TET2: variants seen among roughly 807,000 people sequenced by gnomAD.
TET2 encodes the protein methylcytosine dioxygenase TET2.
A neutral mutation model predicts 142.9 loss-of-function variants in TET2; 299 were observed. The ratio of observed to expected loss-of-function variants is 2.09; its 90% CI spans 1.90 to 2.30. The LOEUF is 2.30. TET2 is among the 30% of genes most tolerant of loss of function. The pLI, the probability that TET2 is intolerant of heterozygous loss-of-function variation, is 0.00. For synonymous variants in TET2, 819 were observed against 849.0 expected, an observed-to-expected ratio of 0.96 and a Z score of 0.61; for missense variants, 2,418 against 2,378.0, an observed-to-expected ratio of 1.02 and a Z score of -0.35.
chr4:105,180,081 C>G (rs1178474318), intron 1 of TET2, among the ~76,000 whole-genome samples: 1 of 152,088 alleles, frequency 6.6e-6, no homozygotes, highest in Non-Finnish European at 1.5e-5. Flanking sequence ...GTTGACCTAT[C>G]ATAGAAATGA....
chr4:105,169,536 T>C (rs1724338377), intron 1 of TET2, among the ~76,000 whole-genome samples: 1 of 152,202 alleles, frequency 6.6e-6, no homozygotes, highest in African/African-American at 2.4e-5. Context: ...GGTTGTCTGT[T>C]TACGCTGCTG....
At chr4:105,248,904 C>T (rs905366305) in intron 6 of TET2, among the ~76,000 whole-genome samples, 1 of 151,352 alleles carries the variant, frequency 6.6e-6, no homozygotes, top group Non-Finnish European at 1.5e-5. Flanking sequence ...TTAGTGAAAT[C>T]ATGTATTTGG....
At chr4:105,232,556 A>G (rs921422679) in intron 2 of TET2, among the ~76,000 whole-genome samples, 1 of 152,216 alleles carries the variant, frequency 6.6e-6, no homozygotes, top group Non-Finnish European at 1.5e-5. Context: ...ATCCTAGGGA[A>G]GATGATATCT....
chr4:105,218,921 C>T (rs773179107), intron 2 of TET2, among the ~76,000 whole-genome samples: 47 of 151,820 alleles, frequency 3.1e-4, no homozygotes, highest in Middle Eastern at 6.9e-3. Flanking sequence ...TAATTTTAGG[C>T]GATCTTAACC....
chr4:105,224,365 T>G (rs1355816472), intron 2 of TET2, among the ~76,000 whole-genome samples: 7 of 152,172 alleles, frequency 4.6e-5, no homozygotes, highest in Non-Finnish European at 1.5e-5. Flanking sequence ...GTGCTATTTT[T>G]AAGTCATGCA....
chr4:105,199,596 A>T (rs1413878981), intron 2 of TET2, among the ~76,000 whole-genome samples: 1 of 152,088 alleles, frequency 6.6e-6, no homozygotes, highest in Non-Finnish European at 1.5e-5. Context: ...TGCATAGGCA[A>T]CCTTGGGTCA....
rs1419930599 is a variant in TET2, at chr4:105,235,525, A to G, written c.1583A>G (p.Asn528Ser). Residue 528 changes from asparagine to serine, a missense_variant, in exon 3 of 11, where the codon AAC becomes AGC. Coordinates refer to ENST00000380013, the MANE Select transcript of TET2 (RefSeq NM_001127208.3). ...IFGSSGELQD[N>S]CQQLMRNKEQ... is the part of the protein sequence containing the mutation. ...GGTAGCAGTGGAGAGCTACAGGACA[A>G]CTGCCAGCAGTTGATGAGAAACAAA... The G allele has an allele frequency of 6.2e-7, 1 of 1,614,100 alleles. No homozygotes were observed. The highest frequency in any genetic ancestry group is 8.5e-7 in the Non-Finnish European group (1 of 1,180,036).
At chr4:105,268,694 G>C (rs1730807013) in intron 8 of TET2, among the ~76,000 whole-genome samples, 2 of 152,220 alleles carry the variant, frequency 1.3e-5, no homozygotes, top group African/African-American at 4.8e-5. Context: ...ATATTGCCCA[G>C]GCGCAGTGGC....
At chr4:105,162,725 T>C (rs901118428) in intron 1 of TET2, among the ~76,000 whole-genome samples, 1 of 152,212 alleles carries the variant, frequency 6.6e-6, no homozygotes, top group African/African-American at 2.4e-5. Flanking sequence ...TTTTCTTTTT[T>C]TTAAGTGTTT....
intron 1 of TET2, among the ~76,000 whole-genome samples, chr4:105,149,915 A>C (rs1723218777): frequency 6.6e-6 from 1 of 152,246 alleles, no homozygotes; most frequent in South Asian, 2.1e-4. Flanking sequence ...TTATGAAAGA[A>C]TTCCAAAGTC....
At position 105,275,050 on chromosome 4, in the gene TET2, CTTTTGCGACT is replaced by C; in HGVS notation, c.4543_4552del (p.Leu1515GlnfsTer53). ...GTTCTCTCTTACCCTGTCCACAGAACTTTTGCGACTTTCAGGACCAGTCATGCAGCAGTCC... is the reference window on the plus strand; with the variant it reads ...GTTCTCTCTTACCCTGTCCACAGAACTTCAGGACCAGTCATGCAGCAGTCC... On this transcript the variant is annotated frameshift_variant, in exon 11 of 11. Coordinates refer to ENST00000380013, the MANE Select transcript of TET2 (RefSeq NM_001127208.3). LOFTEE classifies it low-confidence loss of function (END_TRUNC). The C allele has an allele frequency of 6.6e-7, 1 of 1,524,176 alleles. No individual in the cohort carries two copies. Among genetic ancestry groups the C allele is most frequent in the Non-Finnish European group, 8.8e-7 (1 of 1,135,420 alleles). 94.4% of individuals were successfully genotyped at this position (1,524,176 alleles called of 1,614,324 possible).
intron 2 of TET2, among the ~76,000 whole-genome samples, chr4:105,208,326 T>G (rs1158798806): frequency 6.6e-6 from 1 of 152,164 alleles, no homozygotes; most frequent in Admixed American, 6.6e-5. Context: ...GCTTCTCTGT[T>G]TTGGTGGGAA....
intron 3 of TET2, chr4:105,239,160 T>C (rs573829462): frequency 4.2e-6 from 1 of 238,582 alleles, no homozygotes; most frequent in Non-Finnish European, 8.9e-6. Context: ...TGTGTTATCA[T>C]CCAGACTTTG....
At chr4:105,156,002 T>C (rs1723548811) in intron 1 of TET2, among the ~76,000 whole-genome samples, 1 of 152,224 alleles carries the variant, frequency 6.6e-6, no homozygotes, top group African/African-American at 2.4e-5. Flanking sequence ...TTCTCCTTAC[T>C]GGAGAAATGA....
intron 3 of TET2, chr4:105,239,679 G>C: frequency 4.3e-6 from 1 of 234,762 alleles, no homozygotes. Flanking sequence ...CAGCAATAAG[G>C]CCGTTTTGCT....
At chr4:105,214,952 G>T (rs1177815982) in intron 2 of TET2, among the ~76,000 whole-genome samples, 1 of 152,170 alleles carries the variant, frequency 6.6e-6, no homozygotes, top group South Asian at 2.1e-4. Context: ...AAGCTGGTTG[G>T]TCAGAAGTTC....
chr4:105,200,034 T>C (rs1338936069), intron 2 of TET2, among the ~76,000 whole-genome samples: 3 of 151,650 alleles, frequency 2.0e-5, no homozygotes, highest in Admixed American at 2.0e-4. Context: ...AATAGAATAA[T>C]TTTTTTTTCC....
chr4:105,267,528 C>T (rs1362864608), intron 8 of TET2, among the ~76,000 whole-genome samples: 1 of 118,362 alleles, frequency 8.4e-6, no homozygotes, highest in Non-Finnish European at 1.7e-5. Flanking sequence ...ACACTGTGTA[C>T]CTTAAACCAC....
At chr4:105,214,001 C>G (rs2110556741) in intron 2 of TET2, among the ~76,000 whole-genome samples, 1 of 152,126 alleles carries the variant, frequency 6.6e-6, no homozygotes. Flanking sequence ...TGGGACTATA[C>G]CACCATGCCA....
Sources: gnomAD v4.1 joint callset for allele counts (sites outside exome capture counted in the v4.1 genomes callset) on GRCh38, gnomAD v4.1.1 for gene constraint, MANE v1.5 for transcripts, NCBI Gene and HGNC (gene_info 2026-07-23, HGNC 2026-07-21) for gene names.